The following SPINT1 variants were observed in gnomAD, a reference collection of about 807,000 sequenced individuals.
SPINT1 encodes the protein kunitz-type protease inhibitor 1.
SPINT1 carries 38 observed loss-of-function variants against 53.7 expected under a neutral mutation model. The ratio of observed to expected loss-of-function variants is 0.71; its 90% CI spans 0.55 to 0.93. The LOEUF (loss-of-function observed/expected upper bound fraction) is 0.93, where lower values mean the gene tolerates loss of function less well. Ranked by LOEUF, SPINT1 falls within the 40% of genes least tolerant of loss-of-function variation. The pLI, the probability that SPINT1 is intolerant of heterozygous loss-of-function variation, is 0.00. For missense variants in SPINT1, 645 were observed against 692.9 expected (o/e 0.93, Z 0.78); for synonymous variants, 283 against 280.6 (o/e 1.01, Z -0.08).
In SPINT1 at chr15:40,844,941, C is replaced by T. The variant is rs2142000925; in HGVS notation, c.387C>T (p.Cys129=). 1 of 1,614,008 alleles carries T rather than the reference C, an allele frequency of 6.2e-7. No homozygotes were observed. Among genetic ancestry groups the T allele is most frequent in the East Asian group, 2.2e-5 (1 of 44,878 alleles). The part of the protein sequence containing the change: ...INCLYEQNFV[C]KFAPREGFIN... ...GCCTCTACGAGCAGAACTTCGTGTG[C>T]AAGTTCGCGCCCAGGGAGGGCTTCA... Residue 129 remains cysteine (C), a synonymous_variant, in exon 2 of 11, where the codon TGC becomes TGT. Coordinates refer to ENST00000562057, the MANE Select transcript of SPINT1 (RefSeq NM_003710.4). This position sits in a 1 kb window ranked among gnomAD's most constrained non-coding sequence, Gnocchi z 5.8.
intron 2 of SPINT1, among the ~76,000 whole-genome samples, chr15:40,848,918 C>CTTTTGG (rs1333840381): frequency 6.7e-6 from 1 of 150,042 alleles, no homozygotes; most frequent in Admixed American, 6.6e-5. Flanking sequence ...GCTTTTGTAC[C>CTTTTGG]TTTTGGTTTT....
chr15:40,851,935 C>T (rs372900261), intron 2 of SPINT1, among the ~76,000 whole-genome samples: 283 of 152,306 alleles, frequency 1.9e-3, no homozygotes, highest in African/African-American at 6.4e-3. Context: ...GCAGGAGAAT[C>T]GCTTGAACCC....
chr15:40,856,784 G>A lies in SPINT1; in HGVS notation c.1351G>A (p.Ala451Thr), dbSNP rs753688491. 13 of 1,614,138 alleles carry A rather than the reference G, an allele frequency of 8.1e-6. No homozygotes were observed. Among genetic ancestry groups the A allele is most frequent in the Non-Finnish European group, 1.1e-5 (13 of 1,180,022 alleles). ...PIPSTGSVEM[A>T]VAVFLVICIV... ...TCTTCCCCCAGGCTCTGTGGAGATGGCTGTCGCAGTGTTCCTGGTCATCTG... is the reference window on the plus strand; with the variant it reads ...TCTTCCCCCAGGCTCTGTGGAGATGACTGTCGCAGTGTTCCTGGTCATCTG... The change falls in exon 11 of 11, where the codon GCT (alanine) becomes ACT (threonine). Residue 451 changes from alanine (A) to threonine (T), a missense_variant. Transcript: ENST00000562057.
chr15:40,844,356 C>T lies in SPINT1; in HGVS notation c.-65-134C>T. The stretch of plus-strand genomic sequence containing the variant: ...CTGGAGGGCGCGTGGGAGGGCCGGG[C>T]CCGTGCGCCCTCTTCGATCCTGGGG... On this transcript the variant is annotated intron_variant, in intron 1 of 10. Transcript: ENST00000562057. This position sits in a 1 kb window ranked among gnomAD's most constrained non-coding sequence, Gnocchi z 5.8. 1 of 655,740 alleles carries T rather than the reference C, an allele frequency of 1.5e-6. No individual in the cohort carries two copies. Among genetic ancestry groups the T allele is most frequent in the Non-Finnish European group, 2.7e-6 (1 of 372,884 alleles). The allele number at this position is 655,740 out of a possible 1,614,324, so 40.6% of individuals were successfully genotyped here. A position where few individuals can be genotyped will look rare whatever the true frequency, so the allele number is the denominator to read the frequency against.
chr15:40,854,093 T>C lies in SPINT1; in HGVS notation c.940+7T>C, dbSNP rs1891553428. ...ATGGAAAGGCGCCATCCAGGTGGGC[T>C]TTACTCCCCTCCCCATCCCCCATCC... On this transcript the variant is annotated splice_region_variant and intron_variant, in intron 6 of 10. Transcript: ENST00000562057. 1 of 1,536,954 alleles carries C rather than the reference T, an allele frequency of 6.5e-7. No homozygotes were observed. Among genetic ancestry groups the C allele is most frequent in the African/African-American group, 1.4e-5 (1 of 72,058 alleles).
At position 40,856,876 on chromosome 15, in the gene SPINT1, ACACCACCACCACC is replaced by A; in HGVS notation, c.1451_1463del (p.His484ProfsTer167). On this transcript the variant is annotated frameshift_variant, in exon 11 of 11. Coordinates refer to ENST00000562057, the MANE Select transcript of SPINT1 (RefSeq NM_003710.4). LOFTEE classifies it high-confidence loss of function. The stretch of plus-strand genomic sequence containing the variant: ...AGAACCAGAGAAAGGACTTCCACGG[ACACCACCACCACC>A]CACCACCCACCCCTGCCAGCTCCAC... The A allele has an allele frequency of 1.2e-6, 2 of 1,614,008 alleles. No individual in the cohort carries two copies. The highest frequency in any genetic ancestry group is 8.5e-7 in the Non-Finnish European group (1 of 1,179,996).
At chr15:40,847,592 G>A (rs1253802769) in intron 2 of SPINT1, among the ~76,000 whole-genome samples, 1 of 152,176 alleles carries the variant, frequency 6.6e-6, no homozygotes, top group Admixed American at 6.5e-5. Flanking sequence ...AGGAGGCGGA[G>A]TCTGCACTTC....
chr15:40,845,116 GGAGTT>G, intron 2 of SPINT1, 87 bp downstream of exon 2: 1 of 1,070,888 alleles, frequency 9.3e-7, no homozygotes, highest in Non-Finnish European at 1.3e-6. Context: ...ACATCAGAGA[GGAGTT>G]AAGGAGAGTT....
Position 40,857,075 on chromosome 15 carries a change from C to A in SPINT1, c.*100C>A. The A allele has an allele frequency of 6.8e-7, 1 of 1,474,476 alleles. No individual in the cohort carries two copies. The highest frequency in any genetic ancestry group is 1.4e-5 in the African/African-American group (1 of 71,720). 91.3% of individuals were successfully genotyped at this position (1,474,476 alleles called of 1,614,324 possible). ...TGGAACCAGACTCTTGCCTGTTTCC[C>A]AGGCCCACTGTGCCTCAGAGACCAG... On this transcript the variant is annotated 3_prime_UTR_variant, in exon 11 of 11. Coordinates refer to ENST00000562057, the MANE Select transcript of SPINT1 (RefSeq NM_003710.4).
Position 40,857,794 on chromosome 15 carries a change from C to T in SPINT1, c.*819C>T, listed in dbSNP as rs1596158048. On this transcript the variant is annotated 3_prime_UTR_variant, in exon 11 of 11. Transcript: ENST00000562057. Reference sequence around the variant, plus strand: ...CGTCTCTCTCGAAACTGGCCTGGCCCCTGACTTTGGAGAGCAGTGCCATGT... The same window carrying T: ...CGTCTCTCTCGAAACTGGCCTGGCCTCTGACTTTGGAGAGCAGTGCCATGT... 6.6e-6 allele frequency: 1 copy of T among 152,366 alleles called. No individual in the cohort carries two copies. The highest frequency in any genetic ancestry group is 2.1e-4 in the South Asian group (1 of 4,828). 9.4% of individuals were successfully genotyped at this position (152,366 alleles called of 1,614,324 possible).
intron 2 of SPINT1, among the ~76,000 whole-genome samples, chr15:40,848,688 T>TACA (rs1566853680): frequency 6.6e-6 from 1 of 152,114 alleles, no homozygotes; most frequent in East Asian, 1.9e-4. Flanking sequence ...ATGAATATGA[T>TACA]ACAACAACAA....
At chr15:40,856,382 A>T in intron 10 of SPINT1, 59 bp downstream of exon 10, 1 of 1,601,040 alleles carries the variant, frequency 6.2e-7, no homozygotes, top group Non-Finnish European at 8.6e-7. Context: ...TCACGGATCA[A>T]CTCCACCTGT....
At position 40,854,058 on chromosome 15, in the gene SPINT1, AG is replaced by A. The variant is rs755295823; in HGVS notation, c.914del. ...CCTCTCATTCTCTGTTCTCTCTCCC[AG>A]GCCCCTCCATGGAAAGGCGCCATCC... On this transcript the variant is annotated splice_acceptor_variant, in intron 5 of 10. Coordinates refer to ENST00000562057, the MANE Select transcript of SPINT1 (RefSeq NM_003710.4). LOFTEE classifies it high-confidence loss of function. The A allele has an allele frequency of 3.3e-5, 50 of 1,496,908 alleles. No homozygotes were observed. Among genetic ancestry groups the A allele is most frequent in the Middle Eastern group, 3.6e-4 (2 of 5,558 alleles). The allele number at this position is 1,496,908 out of a possible 1,614,324, so 92.7% of individuals were successfully genotyped here. A position where few individuals can be genotyped will look rare whatever the true frequency, so the allele number is the denominator to read the frequency against.
At chr15:40,850,296 T>C (rs1005739053) in intron 2 of SPINT1, among the ~76,000 whole-genome samples, 1 of 152,168 alleles carries the variant, frequency 6.6e-6, no homozygotes, top group African/African-American at 2.4e-5. Flanking sequence ...GGTCTTGAAC[T>C]CCCAACCTCA....
At chr15:40,845,531 C>G (rs540376245) in intron 2 of SPINT1, among the ~76,000 whole-genome samples, 17 of 152,124 alleles carry the variant, frequency 1.1e-4, no homozygotes, top group African/African-American at 3.6e-4. Context: ...ACAGCCAGAT[C>G]GCCTTCACAT....
Position 40,844,582 on chromosome 15 carries a change from G to T in SPINT1, c.28G>T (p.Ala10Ser). 6.2e-7 allele frequency: 1 copy of T among 1,609,126 alleles called. No homozygotes were observed. Among genetic ancestry groups the T allele is most frequent in the Non-Finnish European group, 8.5e-7 (1 of 1,178,714 alleles). Residue 10 changes from alanine (A) to serine (S), a missense_variant, in exon 2 of 11, where the codon GCC (alanine) becomes TCC (serine). Coordinates refer to ENST00000562057, the MANE Select transcript of SPINT1 (RefSeq NM_003710.4). This position sits in a 1 kb window ranked among gnomAD's most constrained non-coding sequence, Gnocchi z 5.8. ...GGCCCCTGCGAGGACGATGGCCCGC[G>T]CCCGCCTCGCCCCGGCCGGCATCCC... MAPARTMAR[A>S]RLAPAGIPAV...
chr15:40,845,099 G>C, intron 2 of SPINT1, 70 bp downstream of exon 2: 1 of 1,277,254 alleles, frequency 7.8e-7, no homozygotes, highest in Non-Finnish European at 1.1e-6. Context: ...GGTCCTAGGG[G>C]AGACGAACAT....
At chr15:40,849,216 A>G (rs1016861259) in intron 2 of SPINT1, among the ~76,000 whole-genome samples, 2 of 151,736 alleles carry the variant, frequency 1.3e-5, no homozygotes, top group African/African-American at 4.8e-5. Context: ...ACTGCCCTCC[A>G]GTCTGGGCAA....
In SPINT1 at chr15:40,854,706, G is replaced by A; in HGVS notation, c.1117+17G>A. The A allele has an allele frequency of 1.2e-6, 2 of 1,613,934 alleles. No individual in the cohort carries two copies. Among genetic ancestry groups the A allele is most frequent in the Non-Finnish European group, 1.7e-6 (2 of 1,180,014 alleles). ...GTGACAAAGGTGAGATCCTCCCCAG[G>A]TGCCCTGGATCAGGGCAGACGCTGA... On this transcript the variant is annotated intron_variant, in intron 8 of 10. Transcript: ENST00000562057.
Sources: allele counts gnomAD v4.1 joint callset (sites outside exome capture counted in the v4.1 genomes callset), GRCh38; gene constraint gnomAD v4.1.1; non-coding constraint Gnocchi (gnomAD v3.1); transcripts MANE v1.5; gene names NCBI Gene and HGNC (gene_info 2026-07-23, HGNC 2026-07-21).